RAD51B: variants seen among roughly 807,000 people sequenced by gnomAD.
RAD51B encodes the protein DNA repair protein RAD51 homolog 2.
Under a neutral mutation model 42.2 loss-of-function variants are expected in RAD51B, and 38 were observed. The ratio of observed to expected loss-of-function variants is 0.90; its 90% confidence interval spans 0.70 to 1.18. RAD51B has a LOEUF of 1.18. Among genes scored for constraint, RAD51B ranks in the 50% most tolerant of loss-of-function variants. The pLI is 0.00. For synonymous variants in RAD51B, 154 were observed against 145.2 expected (o/e 1.06, Z -0.43); for missense variants, 373 against 400.7 (o/e 0.93, Z 0.59).
At chr14:67,896,534 G>T (rs1416370975) in intron 7 of RAD51B, among the ~76,000 whole-genome samples, 1 of 152,164 alleles carries the variant, frequency 6.6e-6, no homozygotes, top group Non-Finnish European at 1.5e-5. Context: ...ACAACGTCAG[G>T]TGATATTCTA....
chr14:68,057,821 TTG>T (rs140213534), intron 7 of RAD51B, among the ~76,000 whole-genome samples: 1,828 of 138,626 alleles, frequency 0.013, 21 homozygotes, highest in Non-Finnish European at 0.013. Context: ...TTTTAGTTCT[TTG>T]TGTGTGTGTG....
chr14:68,514,633 T>G (rs1254915451), intron 10 of RAD51B, among the ~76,000 whole-genome samples: 1 of 152,152 alleles, frequency 6.6e-6, no homozygotes, highest in African/African-American at 2.4e-5. Context: ...TTGGGGTTTT[T>G]GTTGTTGCTT....
intron 4 of RAD51B, among the ~76,000 whole-genome samples, chr14:67,862,711 T>A (rs1162093198): frequency 6.6e-6 from 1 of 152,174 alleles, no homozygotes; most frequent in African/African-American, 2.4e-5. Context: ...AATCACCGAA[T>A]CACAAAATAT....
At chr14:68,593,898 C>G (rs1346840345) in intron 10 of RAD51B, among the ~76,000 whole-genome samples, 1 of 152,206 alleles carries the variant, frequency 6.6e-6, no homozygotes, top group Non-Finnish European at 1.5e-5. Flanking sequence ...GAAGAGGAGA[C>G]AGCTGAGCTC....
At chr14:68,237,889 C>T (rs1184975681) in intron 7 of RAD51B, among the ~76,000 whole-genome samples, 2 of 151,892 alleles carry the variant, frequency 1.3e-5, no homozygotes, top group African/African-American at 4.8e-5. Flanking sequence ...CATGCACCAC[C>T]ACGCCCAGCT....
At chr14:67,825,672 G>C in intron 3 of RAD51B, 95 bp downstream of exon 3, 2 of 844,316 alleles carry the variant, frequency 2.4e-6, no homozygotes, top group Non-Finnish European at 3.5e-6. Context: ...AAATAGAGAT[G>C]AGTACCTCAA....
intron 7 of RAD51B, among the ~76,000 whole-genome samples, chr14:67,988,872 TATA>T (rs2075241155): frequency 6.6e-6 from 1 of 152,376 alleles, no homozygotes; most frequent in African/African-American, 2.4e-5. Flanking sequence ...GTTTGTAATG[TATA>T]ATAACTTCAA....
At chr14:67,911,697 T>TA (rs1439023225) in intron 7 of RAD51B, among the ~76,000 whole-genome samples, 1 of 152,182 alleles carries the variant, frequency 6.6e-6, no homozygotes, top group African/African-American at 2.4e-5. Context: ...CTACTTGTGG[T>TA]AAAAAAGACC....
At chr14:68,541,384 A>C in intron 10 of RAD51B, 14 of 985,446 alleles carry the variant, frequency 1.4e-5, no homozygotes, top group Non-Finnish European at 1.7e-5. Flanking sequence ...CCTTCCCAGA[A>C]GCACATCTTA....
At chr14:68,109,046 C>T (rs534620737) in intron 7 of RAD51B, among the ~76,000 whole-genome samples, 2 of 151,988 alleles carry the variant, frequency 1.3e-5, no homozygotes, top group African/African-American at 4.8e-5. Context: ...CTTCTTGATT[C>T]CTTTTTTAAA....
chr14:68,264,462 G>A (rs965018505), intron 7 of RAD51B, among the ~76,000 whole-genome samples: 1 of 152,222 alleles, frequency 6.6e-6, no homozygotes, highest in African/African-American at 2.4e-5. Flanking sequence ...GTTTTGAATG[G>A]CATGGGGTTT....
chr14:68,400,058 T>C (rs2084052952), intron 8 of RAD51B, among the ~76,000 whole-genome samples: 1 of 152,176 alleles, frequency 6.6e-6, no homozygotes, highest in Non-Finnish European at 1.5e-5. Context: ...AAAGTGGGCC[T>C]GAAGCAACAG....
intron 7 of RAD51B, among the ~76,000 whole-genome samples, chr14:67,974,856 C>A (rs1219732275): frequency 6.6e-6 from 1 of 152,070 alleles, no homozygotes; most frequent in African/African-American, 2.4e-5. Context: ...TGAACTGTAT[C>A]AACTTTAATA....
At chr14:68,092,548 T>TTGTA (rs960323575) in intron 7 of RAD51B, among the ~76,000 whole-genome samples, 18 of 152,348 alleles carry the variant, frequency 1.2e-4, no homozygotes, top group African/African-American at 4.1e-4. Flanking sequence ...CACATTGATT[T>TTGTA]TGTATCCTGA....
At chr14:68,362,656 T>C (rs1458123521) in intron 8 of RAD51B, among the ~76,000 whole-genome samples, 2 of 152,272 alleles carry the variant, frequency 1.3e-5, no homozygotes, top group African/African-American at 4.8e-5. Context: ...GAGACCATCC[T>C]GGCTAACAGG....
chr14:68,498,311 G>C (rs1884684073), intron 10 of RAD51B, among the ~76,000 whole-genome samples: 1 of 152,196 alleles, frequency 6.6e-6, no homozygotes, highest in Non-Finnish European at 1.5e-5. Flanking sequence ...GTTGAAAGAT[G>C]GTTCAGAGAA....
chr14:68,519,830 A>G (rs1886443800), intron 10 of RAD51B, among the ~76,000 whole-genome samples: 1 of 152,220 alleles, frequency 6.6e-6, no homozygotes, highest in Admixed American at 6.5e-5. Context: ...CCAATCAGGC[A>G]TGATTTTGTA....
At chr14:68,227,982 C>T (rs1457068644) in intron 7 of RAD51B, among the ~76,000 whole-genome samples, 1 of 152,122 alleles carries the variant, frequency 6.6e-6, no homozygotes, top group Non-Finnish European at 1.5e-5. Context: ...TCTGTGTTAG[C>T]ACTGTGCTAA....
chr14:68,651,905 G>A lies in RAD51B; in HGVS notation c.*11+1049G>A, dbSNP rs77271092. Among the ~76,000 whole-genome samples, 977 of 152,252 alleles carry A rather than the reference G, an allele frequency of 6.4e-3. 11 individuals carry two copies. The highest frequency in any genetic ancestry group is 0.022 in the African/African-American group (921 of 41,536). ...AAGGACCCTGAATCATCCCGGAACC[G>A]TCTTGGTGCTGTGGTAGACAGGCCA... On this transcript the variant is annotated intron_variant, in intron 11 of 11. Transcript: ENST00000488612.
Sources: gnomAD v4.1 joint callset for allele counts (sites outside exome capture counted in the v4.1 genomes callset) on GRCh38, gnomAD v4.1.1 for gene constraint, MANE v1.5 for transcripts, NCBI Gene and HGNC (gene_info 2026-07-23, HGNC 2026-07-21) for gene names.